Variants in CFAP57 observed in about 807,000 individuals in gnomAD.
CFAP57 encodes cilia- and flagella-associated protein 57.
Under a neutral mutation model 146.8 loss-of-function variants are expected in CFAP57, and 116 were observed. That is an observed-to-expected ratio of 0.79 (90% CI 0.68 to 0.92). CFAP57 has a LOEUF of 0.92. CFAP57 is among the 40% of genes least tolerant of loss of function. The probability of loss-of-function intolerance (pLI) is 0.00; values close to 1 mark genes in which losing one functional copy is unlikely to be tolerated. For synonymous variants in CFAP57, 518 were observed against 552.8 expected, an observed-to-expected ratio of 0.94 and a Z score of 0.88; for missense variants, 1,377 against 1,527.2, an observed-to-expected ratio of 0.90 and a Z score of 1.64.
In CFAP57 at chr1:43,229,903, A is replaced by C. The variant is rs1403915622; in HGVS notation, c.3010-2605A>C. On this transcript the variant is annotated intron_variant, in intron 18 of 22. Transcript: ENST00000372492. ...TTGCCAGAGGTCCCCTGGGGGGTGC[A>C]AAATGCTTTCTACCCTCCTGCCTGA... Among the ~76,000 whole-genome samples the C allele has an allele frequency of 2.6e-5, 4 of 152,174 alleles. No homozygotes were observed. In the East Asian group the frequency reaches 7.7e-4, roughly 29 times the overall value.
chr1:43,172,563 G>GGGGGGGGGGAAA, intron 1 of CFAP57, 110 bp downstream of exon 1: 1 of 769,794 alleles, frequency 1.3e-6, no homozygotes. Context: ...GGAGGACCCC[G>GGGGGGGGGGAAA]GGGGAGGGGA....
chr1:43,172,573 A>AGGGAC (rs1465365495), intron 1 of CFAP57, 120 bp downstream of exon 1: 1 of 582,006 alleles, frequency 1.7e-6, no homozygotes, highest in African/African-American at 2.4e-5. Context: ...GGGGGAGGGG[A>AGGGAC]AAGGGGAGGG....
chr1:43,217,877 G>C (rs1644896098), intron 12 of CFAP57, among the ~76,000 whole-genome samples: 1 of 152,134 alleles, frequency 6.6e-6, no homozygotes, highest in African/African-American at 2.4e-5. Flanking sequence ...AAACTTCCTA[G>C]CATGGTCTAC....
intron 21 of CFAP57, among the ~76,000 whole-genome samples, chr1:43,235,022 C>T (rs751545726): frequency 5.9e-5 from 9 of 152,172 alleles, no homozygotes; most frequent in Non-Finnish European, 1.2e-4. Context: ...TCTTACCTCT[C>T]CTGAGCCACT....
intron 2 of CFAP57, among the ~76,000 whole-genome samples, chr1:43,174,023 T>TAATGATGATGA (rs1645078044): frequency 1.3e-5 from 2 of 152,250 alleles, no homozygotes; most frequent in Non-Finnish European, 2.9e-5. Context: ...GATGAGTATC[T>TAATGATGATGA]GTTTATGGGC....
chr1:43,243,610 T>C lies in CFAP57; in HGVS notation c.3538+251T>C, dbSNP rs141245675. Among the ~76,000 whole-genome samples the C allele has an allele frequency of 7.9e-3, 1,209 of 152,344 alleles. 11 individuals are homozygous for C. The highest frequency in any genetic ancestry group is 0.019 in the African/African-American group (806 of 41,578). ...CTACCGTTCAGAATGCAGACTCTTTTAGATTTTAGAAAGCGAATACTTTAT... is the reference window on the plus strand; with the variant it reads ...CTACCGTTCAGAATGCAGACTCTTTCAGATTTTAGAAAGCGAATACTTTAT... On this transcript the variant is annotated intron_variant, in intron 22 of 22. Coordinates refer to ENST00000372492, the MANE Select transcript of CFAP57 (RefSeq NM_001378189.1).
intron 6 of CFAP57, among the ~76,000 whole-genome samples, chr1:43,195,564 C>T (rs1215205766): frequency 6.6e-6 from 1 of 151,730 alleles, no homozygotes; most frequent in Non-Finnish European, 1.5e-5. Flanking sequence ...AAGATATTCA[C>T]CATAGTGTTT....
chr1:43,252,471 A>G (rs1327112086), intron 22 of CFAP57, among the ~76,000 whole-genome samples: 1 of 152,062 alleles, frequency 6.6e-6, no homozygotes, highest in African/African-American at 2.4e-5. Context: ...CTAGGCCCCA[A>G]GCAGAAGCAA....
Position 43,209,908 on chromosome 1 carries a change from A to G in CFAP57, c.1921A>G (p.Ile641Val), listed in dbSNP as rs748862437. The change falls in exon 11 of 23, where the codon ATC (isoleucine) becomes GTC (valine). Residue 641 changes from isoleucine to valine, a missense_variant. Coordinates refer to ENST00000372492, the MANE Select transcript of CFAP57 (RefSeq NM_001378189.1). ...FNEYQAHAGPITKMLLTFDDQ... is the reference protein window; with the variant it reads ...FNEYQAHAGPVTKMLLTFDDQ... ...TGAGTACCAGGCCCATGCCGGTCCT[A>G]TCACCAAGGTGAGCAGGGCCCTCTC... is the stretch of plus-strand genomic sequence containing the variant. 46 of 1,614,114 alleles carry G rather than the reference A, an allele frequency of 2.8e-5. 1 individual carries two copies. In the South Asian group the frequency reaches 4.7e-4, roughly 17 times the overall value.
chr1:43,247,097 C>T (rs2124679219), intron 22 of CFAP57, among the ~76,000 whole-genome samples: 1 of 152,272 alleles, frequency 6.6e-6, no homozygotes, highest in South Asian at 2.1e-4. Context: ...TCCACCTCTC[C>T]AAACAACAAT....
intron 10 of CFAP57, among the ~76,000 whole-genome samples, chr1:43,208,072 G>C (rs1174566962): frequency 1.3e-5 from 2 of 152,232 alleles, no homozygotes; most frequent in Non-Finnish European, 2.9e-5. Flanking sequence ...CTGGCCATCA[G>C]AGAAATGCAA....
rs572134706 is a variant in CFAP57 at position 43,215,240 on chromosome 1, C to G, written c.1930-15C>G. On this transcript the variant is annotated splice_polypyrimidine_tract_variant and intron_variant, in intron 11 of 22. Transcript: ENST00000372492. ...GCCTTGAAAGCTTCCTGGCCATGAC[C>G]CTTTTTCTCTTCAGATGTTGCTTAC... 81 of 1,550,934 alleles carry G rather than the reference C, an allele frequency of 5.2e-5. No homozygotes were observed. In the East Asian group the frequency reaches 1.8e-3, roughly 35 times the overall value.
At chr1:43,233,929 G>A (rs774722341) in intron 19 of CFAP57, among the ~76,000 whole-genome samples, 3 of 152,178 alleles carry the variant, frequency 2.0e-5, no homozygotes, top group Admixed American at 6.5e-5. Context: ...GCTCTAAAGG[G>A]ATATGGGTGA....
chr1:43,207,011 T>TGAGG, intron 10 of CFAP57, 79 bp downstream of exon 10: 1 of 1,454,918 alleles, frequency 6.9e-7, no homozygotes, highest in Non-Finnish European at 9.6e-7. Flanking sequence ...GCACAAAGTA[T>TGAGG]GCACGGAATG....
intron 18 of CFAP57, chr1:43,232,050 A>G: frequency 1.4e-6 from 1 of 700,462 alleles, no homozygotes; most frequent in Non-Finnish European, 2.6e-6. Flanking sequence ...TGGTCCCTCC[A>G]AACTTTCTGC....
At chr1:43,245,665 A>T (rs1176166455) in intron 22 of CFAP57, among the ~76,000 whole-genome samples, 1 of 152,172 alleles carries the variant, frequency 6.6e-6, no homozygotes, top group Non-Finnish European at 1.5e-5. Context: ...GTGGAAGTGA[A>T]GGTAGGGCTG....
intron 9 of CFAP57, 178 bp from the exon 10 acceptor site, chr1:43,206,542 A>G: frequency 1.6e-6 from 1 of 622,640 alleles, no homozygotes; most frequent in Middle Eastern, 3.9e-4. Context: ...TGCAAGCGTC[A>G]TAGAAAACAG....
chr1:43,227,271 G>A, intron 18 of CFAP57, 145 bp downstream of exon 18: 1 of 1,027,468 alleles, frequency 9.7e-7, no homozygotes, highest in Non-Finnish European at 1.3e-6. Flanking sequence ...GTCCACAGGG[G>A]TGCAACAGGG....
intron 11 of CFAP57, among the ~76,000 whole-genome samples, chr1:43,214,116 C>T (rs1449677496): frequency 6.6e-6 from 1 of 151,894 alleles, no homozygotes; most frequent in Non-Finnish European, 1.5e-5. Context: ...AAACTCCTGA[C>T]CTCAGGTGAT....
Sources: allele counts gnomAD v4.1 joint callset (sites outside exome capture counted in the v4.1 genomes callset), GRCh38; gene constraint gnomAD v4.1.1; transcripts MANE v1.5; gene names NCBI Gene and HGNC (gene_info 2026-07-23, HGNC 2026-07-21).